Variants in CCDC102B observed in about 807,000 individuals in gnomAD.
CCDC102B encodes coiled-coil domain containing 102B.
In CCDC102B, 75 loss-of-function variants were observed where a neutral mutation model predicts 57.4. The ratio of observed to expected loss-of-function variants is 1.31; its 90% confidence interval spans 1.08 to 1.58. CCDC102B has a LOEUF of 1.58. CCDC102B is among the 40% of genes most tolerant of loss of function. CCDC102B has a pLI of 0.00. For synonymous variants in CCDC102B, 206 were observed against 201.9 expected, an observed-to-expected ratio of 1.02 and a Z score of -0.17; for missense variants, 636 against 582.6, an observed-to-expected ratio of 1.09 and a Z score of -0.94.
At chr18:68,759,312 T>C (rs927279372) in intron 2 of CCDC102B, among the ~76,000 whole-genome samples, 1 of 152,004 alleles carries the variant, frequency 6.6e-6, no homozygotes, top group Non-Finnish European at 1.5e-5. Flanking sequence ...ATCAAGAAAA[T>C]TTTATAGGAA....
upstream of CCDC102B, among the ~76,000 whole-genome samples, chr18:68,797,886 G>A (rs762493257): frequency 1.8e-4 from 28 of 151,634 alleles, no homozygotes; most frequent in Non-Finnish European, 2.8e-4. Context: ...CCACAGTACA[G>A]GTTTCAAATG....
chr18:69,027,942 T>C (rs187092063), intron 7 of CCDC102B, among the ~76,000 whole-genome samples: 1 of 152,310 alleles, frequency 6.6e-6, no homozygotes, highest in Admixed American at 6.5e-5. Context: ...CCCTGAGCCC[T>C]TACTGTGTCC....
At chr18:68,735,556 A>G (rs1568224010) in intron 2 of CCDC102B, among the ~76,000 whole-genome samples, 2 of 152,048 alleles carry the variant, frequency 1.3e-5, no homozygotes, top group Non-Finnish European at 2.9e-5. Flanking sequence ...TATGCCTTGC[A>G]TGTTCTAAAA....
At chr18:68,891,407 G>A (rs2040073994) in intron 5 of CCDC102B, among the ~76,000 whole-genome samples, 1 of 152,140 alleles carries the variant, frequency 6.6e-6, no homozygotes, top group African/African-American at 2.4e-5. Context: ...TATTATTACA[G>A]TTTTTGCTTT....
intron 6 of CCDC102B, among the ~76,000 whole-genome samples, chr18:68,932,373 A>G (rs1210718067): frequency 2.0e-5 from 3 of 151,924 alleles, no homozygotes; most frequent in Non-Finnish European, 4.4e-5. Flanking sequence ...GTATAGATAT[A>G]AGTCATTTCT....
At chr18:68,765,363 A>AAGAAAGAAAG (rs1239315292) in intron 2 of CCDC102B, among the ~76,000 whole-genome samples, 14 of 144,852 alleles carry the variant, frequency 9.7e-5, no homozygotes, top group African/African-American at 3.1e-4. Flanking sequence ...GAAAGAAAGA[A>AAGAAAGAAAG]AGAAAGAAAG....
At chr18:68,753,870 C>A (rs996873843) in intron 2 of CCDC102B, 2 of 152,044 alleles carry the variant, frequency 1.3e-5, no homozygotes, top group African/African-American at 4.8e-5. Context: ...CCAGTATTAT[C>A]TTTTTATGTG....
chr18:68,897,617 C>G (rs1166287370), intron 6 of CCDC102B, 189 bp downstream of exon 6: 3 of 1,538,070 alleles, frequency 2.0e-6, no homozygotes, highest in Middle Eastern at 1.7e-4. Context: ...CAAAGTGTGT[C>G]AAATGTTAAA....
At chr18:68,876,179 A>C (rs1317577864) in intron 5 of CCDC102B, among the ~76,000 whole-genome samples, 1 of 152,230 alleles carries the variant, frequency 6.6e-6, no homozygotes, top group Non-Finnish European at 1.5e-5. Context: ...AAAGGAAGAA[A>C]GCACATATAG....
At chr18:68,790,071 C>A (rs1179365851) in intron 2 of CCDC102B, among the ~76,000 whole-genome samples, 1 of 147,718 alleles carries the variant, frequency 6.8e-6, no homozygotes, top group Non-Finnish European at 1.5e-5. Flanking sequence ...AGCTGCAGGT[C>A]TGTTGGAATA....
At chr18:68,895,034 A>G (rs950113655) in intron 5 of CCDC102B, among the ~76,000 whole-genome samples, 6 of 152,032 alleles carry the variant, frequency 3.9e-5, no homozygotes, top group Middle Eastern at 3.4e-3. Context: ...TTAATTTTTC[A>G]TTGCTAAGTT....
At chr18:69,042,655 A>T (rs981901985) in intron 7 of CCDC102B, among the ~76,000 whole-genome samples, 2 of 152,078 alleles carry the variant, frequency 1.3e-5, no homozygotes, top group African/African-American at 4.8e-5. Flanking sequence ...GTCACTCTAG[A>T]TTACTGTAAT....
At chr18:68,785,577 A>G (rs1007840083) in intron 2 of CCDC102B, among the ~76,000 whole-genome samples, 2 of 151,048 alleles carry the variant, frequency 1.3e-5, no homozygotes, top group Non-Finnish European at 2.9e-5. Flanking sequence ...TCTGATGGCC[A>G]GTGATGATGA....
chr18:69,046,328 T>C (rs1013992952), intron 7 of CCDC102B, among the ~76,000 whole-genome samples: 2 of 152,146 alleles, frequency 1.3e-5, no homozygotes, highest in African/African-American at 4.8e-5. Context: ...TTGTGGTTTT[T>C]ATTTGCATTT....
chr18:68,910,990 G>A (rs1294050101), intron 6 of CCDC102B, among the ~76,000 whole-genome samples: 1 of 152,050 alleles, frequency 6.6e-6, no homozygotes, highest in Non-Finnish European at 1.5e-5. Context: ...GTTGGTGGGA[G>A]TGTAAATGAG....
At chr18:69,056,652 GATA>G (rs1193952794), downstream of CCDC102B, among the ~76,000 whole-genome samples, 61 of 151,650 alleles carry the variant, frequency 4.0e-4, no homozygotes, top group African/African-American at 9.7e-4. Context: ...TAGATAGATA[GATA>G]GATAGATAGA....
chr18:68,986,771 T>C (rs1287974794), intron 6 of CCDC102B, among the ~76,000 whole-genome samples: 1 of 151,920 alleles, frequency 6.6e-6, no homozygotes, highest in African/African-American at 2.4e-5. Context: ...GTGGCATTTC[T>C]ATACACATTC....
intron 5 of CCDC102B, among the ~76,000 whole-genome samples, chr18:68,894,593 G>C (rs1319852716): frequency 6.6e-6 from 1 of 151,578 alleles, no homozygotes; most frequent in Non-Finnish European, 1.5e-5. Context: ...GCAATTAAAT[G>C]CTTTTTAAGT....
At chr18:68,883,770 G>A (rs1201141989) in intron 5 of CCDC102B, among the ~76,000 whole-genome samples, 1 of 152,154 alleles carries the variant, frequency 6.6e-6, no homozygotes, top group East Asian at 1.9e-4. Context: ...TTTCACAAAA[G>A]AGTGGAACAT....
Sources: allele counts gnomAD v4.1 joint callset (sites outside exome capture counted in the v4.1 genomes callset), GRCh38; gene constraint gnomAD v4.1.1; transcripts MANE v1.5; gene names NCBI Gene and HGNC (gene_info 2026-07-23, HGNC 2026-07-21).